The following MYO1D variants were observed in gnomAD, a reference collection of about 807,000 sequenced individuals.
MYO1D encodes the protein unconventional myosin-Id.
In MYO1D, 83 loss-of-function variants were observed where a neutral mutation model predicts 122.0. That is an observed-to-expected ratio of 0.68 (90% confidence interval 0.57 to 0.82). MYO1D has a LOEUF of 0.82. Ranked by LOEUF, MYO1D falls within the 40% of genes least tolerant of loss-of-function variation. The pLI is 0.00. For missense variants in MYO1D, 1,157 were observed against 1,269.5 expected, an observed-to-expected ratio of 0.91 and a Z score of 1.35; for synonymous variants, 464 against 446.9, an observed-to-expected ratio of 1.04 and a Z score of -0.48.
chr17:32,648,000 G>A (rs1161042507), intron 19 of MYO1D, among the ~76,000 whole-genome samples: 2 of 152,162 alleles, frequency 1.3e-5, no homozygotes, highest in Non-Finnish European at 2.9e-5. Flanking sequence ...GATCACTTGA[G>A]GTCAGGAGTT....
intron 11 of MYO1D, among the ~76,000 whole-genome samples, chr17:32,754,726 T>C (rs1365223905): frequency 6.6e-6 from 1 of 152,226 alleles, no homozygotes; most frequent in Non-Finnish European, 1.5e-5. Flanking sequence ...CTTTAGCATA[T>C]GGTTACTAGA....
intron 21 of MYO1D, among the ~76,000 whole-genome samples, chr17:32,584,773 T>C (rs532335627): frequency 6.6e-6 from 1 of 152,198 alleles, no homozygotes; most frequent in African/African-American, 2.4e-5. Flanking sequence ...GCATGAGCCA[T>C]AGCACCTGGC....
chr17:32,554,615 C>G (rs1332737147), intron 21 of MYO1D, among the ~76,000 whole-genome samples: 1 of 152,036 alleles, frequency 6.6e-6, no homozygotes, highest in Non-Finnish European at 1.5e-5. Context: ...AAATGCAAAA[C>G]TTTTGTTGAA....
chr17:32,753,000 G>A (rs1478042732), intron 11 of MYO1D, among the ~76,000 whole-genome samples: 1 of 152,012 alleles, frequency 6.6e-6, no homozygotes, highest in Non-Finnish European at 1.5e-5. Flanking sequence ...CAATAGCAAA[G>A]TCATGGAAAC....
chr17:32,536,767 C>T (rs995619274), intron 21 of MYO1D, among the ~76,000 whole-genome samples: 3 of 152,144 alleles, frequency 2.0e-5, no homozygotes, highest in Non-Finnish European at 2.9e-5. Flanking sequence ...ATTTTCCATT[C>T]GATATCCTTA....
intron 19 of MYO1D, among the ~76,000 whole-genome samples, chr17:32,639,410 T>TGTGC (rs1555634439): frequency 6.7e-6 from 1 of 149,764 alleles, no homozygotes; most frequent in African/African-American, 2.5e-5. Context: ...TGTGTGTGTG[T>TGTGC]AGAATGCTAC....
intron 21 of MYO1D, chr17:32,529,784 C>G (rs193271304): frequency 6.6e-6 from 1 of 152,264 alleles, no homozygotes. Context: ...CTCCTCTCCA[C>G]GATCATGGCT....
At chr17:32,611,062 A>G (rs2087694612) in intron 20 of MYO1D, among the ~76,000 whole-genome samples, 1 of 152,166 alleles carries the variant, frequency 6.6e-6, no homozygotes, top group South Asian at 2.1e-4. Context: ...CTCCTTACTA[A>G]GAAGGACCAA....
At chr17:32,875,399 ATAT>A (rs2091219440) in intron 1 of MYO1D, among the ~76,000 whole-genome samples, 1 of 152,246 alleles carries the variant, frequency 6.6e-6, no homozygotes, top group East Asian at 1.9e-4. Flanking sequence ...ATGTATACAC[ATAT>A]TATTAATAAT....
At position 32,813,816 on chromosome 17, in the gene MYO1D, A is replaced by G. The variant is rs973288401; in HGVS notation, c.96-33032T>C. ...GATGCTTGATAGAAACCTACACTAGAGCATGGTGGTAGTCACACTCAAAAG... is the reference window on the plus strand; with the variant it reads ...GATGCTTGATAGAAACCTACACTAGGGCATGGTGGTAGTCACACTCAAAAG... On this transcript the variant is annotated intron_variant, in intron 1 of 21. Transcript: ENST00000318217. Among the ~76,000 whole-genome samples, 7 of 152,214 alleles carry G rather than the reference A, an allele frequency of 4.6e-5. No individual in the cohort carries two copies. The East Asian group carries it at 7.7e-4, about 17-fold the overall frequency.
intron 13 of MYO1D, among the ~76,000 whole-genome samples, chr17:32,739,549 A>G (rs1220353100): frequency 2.0e-5 from 3 of 151,530 alleles, no homozygotes; most frequent in Non-Finnish European, 4.4e-5. Flanking sequence ...GTAAATGACG[A>G]GTTAATGGGT....
chr17:32,778,369 G>T, intron 3 of MYO1D, 111 bp downstream of exon 3: 1 of 891,122 alleles, frequency 1.1e-6, no homozygotes, highest in Non-Finnish European at 1.8e-6. Flanking sequence ...AAAATGCTCA[G>T]CCCATAGGTT....
intron 21 of MYO1D, among the ~76,000 whole-genome samples, chr17:32,533,296 C>G (rs1011157058): frequency 1.3e-5 from 2 of 152,122 alleles, no homozygotes; most frequent in African/African-American, 4.8e-5. Flanking sequence ...TCATGGCCAC[C>G]CATCACCCAA....
At chr17:32,575,035 C>G (rs1225846320) in intron 21 of MYO1D, among the ~76,000 whole-genome samples, 1 of 152,080 alleles carries the variant, frequency 6.6e-6, no homozygotes, top group African/African-American at 2.4e-5. Flanking sequence ...ATCGTGGGAG[C>G]TGATGGGAAG....
intron 20 of MYO1D, among the ~76,000 whole-genome samples, chr17:32,614,765 A>AAG (rs1438222419): frequency 1.3e-5 from 2 of 152,198 alleles, no homozygotes; most frequent in Non-Finnish European, 2.9e-5. Flanking sequence ...TGAAAGCAAC[A>AAG]ACTTGCTTGA....
At chr17:32,639,363 T>TTGTGTGTGTGTG (rs10674390) in intron 19 of MYO1D, among the ~76,000 whole-genome samples, 10 of 128,216 alleles carry the variant, frequency 7.8e-5, no homozygotes, top group Non-Finnish European at 1.3e-4. Context: ...GGGAGAAATT[T>TTGTGTGTGTGTG]TGTGTGTGTG....
chr17:32,561,156 C>T (rs2087122094), intron 21 of MYO1D, among the ~76,000 whole-genome samples: 1 of 151,994 alleles, frequency 6.6e-6, no homozygotes, highest in South Asian at 2.1e-4. Context: ...AGGTGATCCA[C>T]CCGCCTCAAC....
chr17:32,522,914 T>G (rs1597874355), intron 21 of MYO1D, among the ~76,000 whole-genome samples: 1 of 150,736 alleles, frequency 6.6e-6, no homozygotes, highest in African/African-American at 2.5e-5. Flanking sequence ...CCTCCTGGGT[T>G]CACGCCATTC....
intron 1 of MYO1D, among the ~76,000 whole-genome samples, chr17:32,832,626 A>AT (rs1346937890): frequency 7.9e-5 from 12 of 152,156 alleles, no homozygotes; most frequent in African/African-American, 2.9e-4. Flanking sequence ...ATTTGTTAAA[A>AT]TTAACTTGCA....
Sources: allele counts gnomAD v4.1 joint callset (sites outside exome capture counted in the v4.1 genomes callset), GRCh38; gene constraint gnomAD v4.1.1; transcripts MANE v1.5; gene names NCBI Gene and HGNC (gene_info 2026-07-23, HGNC 2026-07-21).